Variants in C1QTNF7 observed in about 807,000 individuals in gnomAD.
The protein encoded by C1QTNF7 is C1q and TNF related 7.
C1QTNF7 carries 15 observed loss-of-function variants against 19.6 expected under a neutral mutation model. The ratio of observed to expected loss-of-function variants is 0.76; its 90% CI spans 0.51 to 1.18. C1QTNF7 has a LOEUF of 1.18. C1QTNF7 is among the 50% of genes most tolerant of loss of function. C1QTNF7 has a pLI of 0.00. For missense variants in C1QTNF7, 324 were observed against 359.7 expected (o/e 0.90, Z 0.80); for synonymous variants, 142 against 137.5 (o/e 1.03, Z -0.23).
At chr4:15,364,695 T>C (rs1248202068) in intron 1 of C1QTNF7, among the ~76,000 whole-genome samples, 1 of 152,250 alleles carries the variant, frequency 6.6e-6, no homozygotes, top group Non-Finnish European at 1.5e-5. Context: ...ATACATGCTC[T>C]GTGATTTTTA....
intron 2 of C1QTNF7, among the ~76,000 whole-genome samples, chr4:15,439,593 C>T (rs1388018174): frequency 1.3e-5 from 2 of 152,066 alleles, no homozygotes; most frequent in Admixed American, 1.3e-4. Context: ...CATTTAAAAC[C>T]CAGAAAAGAA....
intron 1 of C1QTNF7, among the ~76,000 whole-genome samples, chr4:15,401,402 C>T (rs1417354173): frequency 2.0e-5 from 3 of 152,150 alleles, no homozygotes; most frequent in Non-Finnish European, 4.4e-5. Flanking sequence ...ACAGAAACCA[C>T]AAACCTACTG....
At chr4:15,350,250 G>A (rs1716875335) in intron 1 of C1QTNF7, among the ~76,000 whole-genome samples, 1 of 64,318 alleles carries the variant, frequency 1.6e-5, no homozygotes, top group African/African-American at 7.9e-5. Flanking sequence ...AGGGAGGGAG[G>A]GAAGGAGAGA....
chr4:15,412,243 C>T (rs1719428992), intron 1 of C1QTNF7, among the ~76,000 whole-genome samples: 1 of 152,168 alleles, frequency 6.6e-6, no homozygotes, highest in South Asian at 2.1e-4. Flanking sequence ...TTTCACTATA[C>T]ATTACAGTAT....
chr4:15,387,559 A>G (rs1399243644), intron 1 of C1QTNF7, among the ~76,000 whole-genome samples: 13 of 152,194 alleles, frequency 8.5e-5, no homozygotes, highest in Admixed American at 8.5e-4. Flanking sequence ...GAAGGACAAG[A>G]GAAGAAAGAG....
intron 1 of C1QTNF7, among the ~76,000 whole-genome samples, chr4:15,398,197 C>T (rs777740469): frequency 3.3e-5 from 5 of 152,156 alleles, no homozygotes; most frequent in Non-Finnish European, 7.3e-5. Flanking sequence ...TCAAAAGGAG[C>T]TTATAGGCCA....
At chr4:15,442,031 A>AG (rs1237457452) in intron 2 of C1QTNF7, 137 bp from the exon 3 acceptor site, 6 of 858,098 alleles carry the variant, frequency 7.0e-6, no homozygotes, top group African/African-American at 1.7e-5. Context: ...AAAAAAAAAA[A>AG]AGTTTATTAT....
chr4:15,363,207 GA>G (rs1346064607), intron 1 of C1QTNF7, among the ~76,000 whole-genome samples: 1 of 151,976 alleles, frequency 6.6e-6, no homozygotes, highest in East Asian at 1.9e-4. Context: ...CCATGGTTGG[GA>G]AGATCACGCT....
intron 1 of C1QTNF7, among the ~76,000 whole-genome samples, chr4:15,431,694 C>T (rs116793254): frequency 0.012 from 1,787 of 152,194 alleles, 26 homozygotes; most frequent in Admixed American, 0.053. Context: ...CCCCACAAAG[C>T]TCAAACCTCC....
At chr4:15,390,581 C>G (rs968492256) in intron 1 of C1QTNF7, among the ~76,000 whole-genome samples, 1 of 152,100 alleles carries the variant, frequency 6.6e-6, no homozygotes, top group Non-Finnish European at 1.5e-5. Flanking sequence ...ATCAGATCTT[C>G]AAGATTAGGT....
chr4:15,393,403 C>T (rs1040378901), intron 1 of C1QTNF7, among the ~76,000 whole-genome samples: 1 of 152,162 alleles, frequency 6.6e-6, no homozygotes, highest in Non-Finnish European at 1.5e-5. Flanking sequence ...CCTACAGGCC[C>T]CAGGCTGCTA....
At chr4:15,386,234 T>C (rs975617263) in intron 1 of C1QTNF7, among the ~76,000 whole-genome samples, 2 of 152,178 alleles carry the variant, frequency 1.3e-5, no homozygotes, top group African/African-American at 2.4e-5. Context: ...TGGCCTTGTC[T>C]CTCATGCATG....
intron 1 of C1QTNF7, among the ~76,000 whole-genome samples, chr4:15,364,666 C>G (rs1229433271): frequency 6.6e-6 from 1 of 152,126 alleles, no homozygotes; most frequent in African/African-American, 2.4e-5. Flanking sequence ...AGAAATTACA[C>G]ATAAACTTTC....
rs111707281 is a variant in C1QTNF7 at position 15,431,321 on chromosome 4, T to C, written c.-9+3215T>C. Among the ~76,000 whole-genome samples, 137 of 152,270 alleles carry C rather than the reference T, an allele frequency of 9.0e-4. 1 individual carries two copies. Among genetic ancestry groups the C allele is most frequent in the African/African-American group, 3.2e-3 (132 of 41,556 alleles). On this transcript the variant is annotated intron_variant, in intron 1 of 2. Coordinates refer to ENST00000444304, the MANE Select transcript of C1QTNF7 (RefSeq NM_031911.5). The stretch of plus-strand genomic sequence containing the variant: ...TGAAAAGGCAACGTACAGAACATTG[T>C]ATATGGGATGCCAACATGGGGAAGG...
chr4:15,424,548 C>T (rs962418197), upstream of C1QTNF7, among the ~76,000 whole-genome samples: 5 of 152,132 alleles, frequency 3.3e-5, no homozygotes, highest in East Asian at 1.9e-4. Flanking sequence ...TTAGTGGCCT[C>T]CCCCCACTAG....
chr4:15,375,887 T>C (rs1193596239), intron 1 of C1QTNF7, among the ~76,000 whole-genome samples: 1 of 152,224 alleles, frequency 6.6e-6, no homozygotes, highest in Admixed American at 6.5e-5. Flanking sequence ...TGGTGTGTAC[T>C]TCCACATCCT....
At chr4:15,391,281 A>G (rs564248086) in intron 1 of C1QTNF7, among the ~76,000 whole-genome samples, 4 of 152,092 alleles carry the variant, frequency 2.6e-5, no homozygotes, top group African/African-American at 9.6e-5. Flanking sequence ...CTGGACTCCC[A>G]GGGTTGAGTA....
intron 2 of C1QTNF7, among the ~76,000 whole-genome samples, chr4:15,439,855 A>T (rs1048031212): frequency 2.0e-5 from 3 of 152,080 alleles, no homozygotes; most frequent in East Asian, 3.9e-4. Context: ...TATATATATA[A>T]AATCATTGCT....
At chr4:15,378,759 C>G (rs1215463320) in intron 1 of C1QTNF7, among the ~76,000 whole-genome samples, 4 of 152,210 alleles carry the variant, frequency 2.6e-5, no homozygotes, top group Non-Finnish European at 5.9e-5. Context: ...CAATCCAACA[C>G]TCTATTAGCC....
Sources: allele counts gnomAD v4.1 joint callset (sites outside exome capture counted in the v4.1 genomes callset), GRCh38; gene constraint gnomAD v4.1.1; transcripts MANE v1.5; gene names NCBI Gene and HGNC (gene_info 2026-07-23, HGNC 2026-07-21).